The following MST1 variants were observed in gnomAD, a reference collection of about 807,000 sequenced individuals.
MST1 encodes the protein macrophage stimulating 1, also known as hepatocyte growth factor-like protein.
MST1 carries 76 observed loss-of-function variants against 100.1 expected under a neutral mutation model. That is an observed-to-expected ratio of 0.76 (90% CI 0.63 to 0.92). The LOEUF is 0.92. Among genes scored for constraint, MST1 ranks in the 40% least tolerant of loss-of-function variants. The pLI is 0.00. For missense variants in MST1, 850 were observed against 990.0 expected (o/e 0.86, Z 1.90); for synonymous variants, 352 against 385.4 (o/e 0.91, Z 1.01).
At position 49,685,632 on chromosome 3, in the gene MST1, T is replaced by C. The variant is rs750348842; in HGVS notation, c.1351A>G (p.Arg451Gly). Residue 451 changes from arginine to glycine, a missense_variant, in exon 11 of 18, where the codon AGG (arginine) becomes GGG (glycine). Arg to Gly is a moderately radical substitution (Grantham distance 125). Coordinates refer to ENST00000449682, the MANE Select transcript of MST1 (RefSeq NM_020998.4). ...AGGGCACAGTAGTCGAATGGGGTCCTTGGGTCCATCGTGTAGCACCAGGGC... is the reference window on the plus strand; with the variant it reads ...AGGGCACAGTAGTCGAATGGGGTCCCTGGGTCCATCGTGTAGCACCAGGGC... ...HGPWCYTMDP[R>G]TPFDYCALRR... 6.2e-7 allele frequency: 1 copy of C among 1,613,400 alleles called. No individual in the cohort carries two copies. The highest frequency in any genetic ancestry group is 8.5e-7 in the Non-Finnish European group (1 of 1,179,846).
intron 6 of MST1, 45 bp downstream of exon 6, chr3:49,686,902 C>T: frequency 1.2e-6 from 2 of 1,611,672 alleles, no homozygotes; most frequent in Non-Finnish European, 1.7e-6. Flanking sequence ...AGTCCTGGAC[C>T]TTCCCTAGCC....
At position 49,687,375 on chromosome 3, in the gene MST1, T is replaced by C. The variant is rs3020779; in HGVS notation, c.459A>G (p.Pro153=). 1,349,744 of 1,613,266 alleles carry C rather than the reference T, an allele frequency of 0.84. 566,788 individuals carry two copies. The highest frequency in any genetic ancestry group is 1 in the East Asian group (44,715 of 44,878). Residue 153 remains proline, a synonymous_variant, in exon 4 of 18, where the codon CCA becomes CCG. Coordinates refer to ENST00000449682, the MANE Select transcript of MST1 (RefSeq NM_020998.4). ...GGTGTTTGTCTCACTTGTGATCATT[T>C]GGGAACTTGTGGCTCCAAGCCTGGC... ...LPCQAWSHKF[P]NDHKYTPTLR...
At chr3:49,686,591 A>G in intron 7 of MST1, 93 bp downstream of exon 7, 1 of 1,552,068 alleles carries the variant, frequency 6.4e-7, no homozygotes, top group East Asian at 2.4e-5. Flanking sequence ...GTATGCTCTC[A>G]GGTCACGCCC....
Position 49,684,124 on chromosome 3 carries a change from G to T in MST1, c.2082C>A (p.Ile694=). The change falls in exon 18 of 18, where the codon ATC becomes ATA. Residue 694 remains isoleucine (I), a synonymous_variant. Coordinates refer to ENST00000449682, the MANE Select transcript of MST1 (RefSeq NM_020998.4). ...HNCWVLEGII[I]PNRVCARSRW... ...GGGACCTTGCGCATACTCGGTTGGG[G>T]ATTATAATTCCTTCCAGGACCCAGC... The T allele has an allele frequency of 6.2e-7, 1 of 1,613,672 alleles. No individual in the cohort carries two copies. The highest frequency in any genetic ancestry group is 8.5e-7 in the Non-Finnish European group (1 of 1,179,866).
intron 10 of MST1, 33 bp from the exon 11 acceptor site, chr3:49,685,765 G>T (rs766265616): frequency 6.2e-7 from 1 of 1,612,994 alleles, no homozygotes; most frequent in Non-Finnish European, 8.5e-7. Flanking sequence ...TCGTGGCAGG[G>T]TAGTCTCAAC....
chr3:49,687,499 A>T lies in MST1; in HGVS notation c.356-21T>A, dbSNP rs761349080. 2.2e-5 allele frequency: 35 copies of T among 1,613,458 alleles called. No homozygotes were observed. The East Asian group carries it at 2.7e-4, about 12-fold the overall frequency. On this transcript the variant is annotated intron_variant, in intron 3 of 17. Coordinates refer to ENST00000449682, the MANE Select transcript of MST1 (RefSeq NM_020998.4). Reference sequence around the variant, plus strand: ...GTAGTCTGGGAGCAAGAGACAGAAGATCAACTTGGGCTGAGGTCCCCTGTC... The same window carrying T: ...GTAGTCTGGGAGCAAGAGACAGAAGTTCAACTTGGGCTGAGGTCCCCTGTC...
At chr3:49,685,216 C>T in intron 13 of MST1, 46 bp downstream of exon 13, 1 of 1,610,638 alleles carries the variant, frequency 6.2e-7, no homozygotes, top group Non-Finnish European at 8.5e-7. Context: ...CCACAGAGGA[C>T]ACAACCTCAG....
chr3:49,686,100 T>C lies in MST1; in HGVS notation c.1109A>G (p.Tyr370Cys), dbSNP rs2053709609. The change falls in exon 9 of 18, where the codon TAC becomes TGC. Residue 370 changes from tyrosine to cysteine, a missense_variant. This residue lies in a region of MST1 where 816 missense variants were observed against 924.6 expected (regional missense o/e 0.88). Transcript: ENST00000449682. ...LRPGMRAAFCYQIRRCTDDVR... is the reference protein window; with the variant it reads ...LRPGMRAAFCCQIRRCTDDVR... Reference sequence around the variant, plus strand: ...GTCGTCTGTACAACGCCGGATCTGGTAGCAAAAGGCCGCGCGCATGCCGGG... The same window carrying C: ...GTCGTCTGTACAACGCCGGATCTGGCAGCAAAAGGCCGCGCGCATGCCGGG... The C allele has an allele frequency of 7.4e-6, 12 of 1,610,826 alleles. No individual in the cohort carries two copies. Among genetic ancestry groups the C allele is most frequent in the Middle Eastern group, 1.9e-4 (1 of 5,190 alleles).
chr3:49,684,019 A>G lies in MST1; in HGVS notation c.*9T>C, dbSNP rs1486607002. 1 of 1,611,622 alleles carries G rather than the reference A, an allele frequency of 6.2e-7. No individual in the cohort carries two copies. The highest frequency in any genetic ancestry group is 1.3e-5 in the African/African-American group (1 of 74,990). On this transcript the variant is annotated 3_prime_UTR_variant, in exon 18 of 18. Transcript: ENST00000449682. ...GTCCTCCCCAAGGCATATGGCATCA[A>G]GGCTGGGCCTAACCCAGTCTCATGA...
chr3:49,686,654 A>G, intron 7 of MST1, 30 bp downstream of exon 7: 1 of 1,547,544 alleles, frequency 6.5e-7, no homozygotes, highest in East Asian at 2.4e-5. Flanking sequence ...GTTCCCAGGT[A>G]CCCTCCCAGG....
chr3:49,685,971 G>C lies in MST1; in HGVS notation c.1148-9C>G, dbSNP rs779378252. The C allele has an allele frequency of 8.1e-6, 13 of 1,605,856 alleles. No individual in the cohort carries two copies. In the East Asian group the frequency reaches 2.9e-4, roughly 36 times the overall value. The stretch of plus-strand genomic sequence containing the variant: ...TGCGCCGTGGTAGCAGTCTGTGGCG[G>C]GTGCGGGCAGCCATCAGGCCGAGAC... On this transcript the variant is annotated splice_polypyrimidine_tract_variant and intron_variant, in intron 9 of 17. Coordinates refer to ENST00000449682, the MANE Select transcript of MST1 (RefSeq NM_020998.4).
intron 10 of MST1, 38 bp from the exon 11 acceptor site, chr3:49,685,770 C>T: frequency 6.2e-7 from 1 of 1,612,918 alleles, no homozygotes; most frequent in Non-Finnish European, 8.5e-7. Flanking sequence ...GCAGGGTAGT[C>T]TCAACCATTT....
At position 49,686,951 on chromosome 3, in the gene MST1, C is replaced by G; in HGVS notation, c.724G>C (p.Gly242Arg). 6.2e-7 allele frequency: 1 copy of G among 1,611,436 alleles called. No homozygotes were observed. Among genetic ancestry groups the G allele is most frequent in the Admixed American group, 1.7e-5 (1 of 60,012 alleles). ...GCCGATACCGCCTACGCGTACTTGC[C>G]CGGCTCGAAGGGGTGCTGGTGCGGG... The part of the protein sequence containing the change: ...QHPHQHPFEP[G>R]KFLDQGLDDN... The change falls in exon 6 of 18, where the codon GGC (glycine) becomes CGC (arginine). Residue 242 changes from glycine (G) to arginine (R), a missense_variant. Physicochemically the swap from Gly to Arg is moderately radical, Grantham distance 125. This residue lies in a region of MST1 where 816 missense variants were observed against 924.6 expected (regional missense o/e 0.88). Transcript: ENST00000449682.
chr3:49,687,562 T>C lies in MST1; in HGVS notation c.349A>G (p.Lys117Glu). The change falls in exon 3 of 18, where the codon AAG (lysine) becomes GAG (glutamate). Residue 117 changes from lysine to glutamate, a missense_variant. Coordinates refer to ENST00000449682, the MANE Select transcript of MST1 (RefSeq NM_020998.4). ...CCTCTCCACCCCCACTTGCCTTTCT[T>C]CTGGAAGAGGTCACAGCGCCCAGAA... ...RRSGRCDLFQ[K>E]KDYVRTCIMN... 1 of 1,613,472 alleles carries C rather than the reference T, an allele frequency of 6.2e-7. No individual in the cohort carries two copies. The highest frequency in any genetic ancestry group is 8.5e-7 in the Non-Finnish European group (1 of 1,179,862).
intron 7 of MST1, 65 bp downstream of exon 7, chr3:49,686,619 C>T (rs1429600736): frequency 6.5e-7 from 1 of 1,549,178 alleles, no homozygotes; most frequent in Non-Finnish European, 8.7e-7. Context: ...CTTACCTCCC[C>T]GGCCAAGCCA....
In MST1 at chr3:49,687,073, G is replaced by T. The variant is rs2053835998; in HGVS notation, c.608-6C>A. 1.9e-6 allele frequency: 3 copies of T among 1,612,570 alleles called. No homozygotes were observed. The highest frequency in any genetic ancestry group is 2.5e-6 in the Non-Finnish European group (3 of 1,179,848). ...ATTGCACCAGACACACGCGGCTGGA[G>T]ACAAAGAGCCAGTGGGTTCGTGGAT... On this transcript the variant is annotated splice_region_variant and splice_polypyrimidine_tract_variant and intron_variant, in intron 5 of 17. Transcript: ENST00000449682.
chr3:49,687,288 G>A lies in MST1; in HGVS notation c.471-3C>T, dbSNP rs1278496905. The A allele has an allele frequency of 1.2e-6, 2 of 1,613,534 alleles. No individual in the cohort carries two copies. Among genetic ancestry groups the A allele is most frequent in the South Asian group, 2.2e-5 (2 of 91,082 alleles). On this transcript the variant is annotated splice_region_variant and splice_polypyrimidine_tract_variant and intron_variant, in intron 4 of 17. Coordinates refer to ENST00000449682, the MANE Select transcript of MST1 (RefSeq NM_020998.4). ...CATTCCGGAGAGTGGGCGTGTACCT[G>A]AGGGCCCAGAGCATCACTATAGTGT...
At chr3:49,685,181 A>G in intron 13 of MST1, 81 bp downstream of exon 13, 3 of 1,600,516 alleles carry the variant, frequency 1.9e-6, no homozygotes, top group African/African-American at 1.3e-5. Flanking sequence ...GGGCAGGGAT[A>G]GATTCCCAGC....
At chr3:49,685,563 C>T (rs2053649405) in intron 11 of MST1, 33 bp downstream of exon 11, 1 of 1,613,298 alleles carries the variant, frequency 6.2e-7, no homozygotes, top group South Asian at 1.1e-5. Flanking sequence ...GGGGCTGAGG[C>T]AGGGTCATGG....
Sources: gnomAD v4.1 joint callset for allele counts on GRCh38, gnomAD v4.1.1 for gene constraint, gnomAD v4.1.1 regional missense constraint, MANE v1.5 for transcripts, NCBI Gene and HGNC (gene_info 2026-07-23, HGNC 2026-07-21) for gene names.